The following ZSCAN5A variants were observed in gnomAD, a reference collection of about 807,000 sequenced individuals.
The protein encoded by ZSCAN5A is zinc finger and SCAN domain containing 5A.
A neutral mutation model predicts 23.7 loss-of-function variants in ZSCAN5A; 12 were observed. The ratio of observed to expected loss-of-function variants is 0.51; its 90% confidence interval spans 0.32 to 0.82. ZSCAN5A has a LOEUF of 0.82. Ranked by LOEUF, ZSCAN5A falls within the 40% of genes least tolerant of loss-of-function variation. The pLI is 0.03. For missense variants in ZSCAN5A, 597 were observed against 617.9 expected (o/e 0.97, Z 0.36); for synonymous variants, 257 against 239.9 (o/e 1.07, Z -0.66).
At position 56,248,820 on chromosome 19, in the gene ZSCAN5A, G is replaced by T. The variant is rs2036140471; in HGVS notation, c.-127-23647C>A. Among the ~76,000 whole-genome samples the T allele has an allele frequency of 2.0e-5, 3 of 152,116 alleles. 1 individual carries two copies. The highest frequency in any genetic ancestry group is 2.0e-4 in the Admixed American group (3 of 15,276). ...CTAGACTCCCTCCCCACACGGCACAGCCTCTCCCCGCCCAGCATCCCCAGC... is the reference window on the plus strand; with the variant it reads ...CTAGACTCCCTCCCCACACGGCACATCCTCTCCCCGCCCAGCATCCCCAGC... On this transcript the variant is annotated intron_variant, in intron 2 of 5. Coordinates refer to ENST00000683990, the MANE Select transcript of ZSCAN5A (RefSeq NM_001322064.3).
At chr19:56,337,212 G>C (rs879746211) in intron 2 of ZSCAN5A, among the ~76,000 whole-genome samples, 1 of 152,208 alleles carries the variant, frequency 6.6e-6, no homozygotes, top group Non-Finnish European at 1.5e-5. Flanking sequence ...AGGCCTCCTC[G>C]AGCTGTGGTG....
intron 1 of ZSCAN5A, among the ~76,000 whole-genome samples, chr19:56,366,677 A>G (rs2041768670): frequency 6.6e-6 from 1 of 152,216 alleles, no homozygotes; most frequent in Admixed American, 6.5e-5. Flanking sequence ...TTCTGAGTTC[A>G]GCCTGTAAAA....
chr19:56,354,420 G>A (rs2147463089), intron 2 of ZSCAN5A: 1 of 152,318 alleles, frequency 6.6e-6, no homozygotes. Context: ...TCAGTTGAAT[G>A]CACTTAAGAC....
At chr19:56,317,453 C>T (rs2041328708), upstream of ZSCAN5A, 2 of 152,254 alleles carry the variant, frequency 1.3e-5, no homozygotes, top group Admixed American at 6.5e-5. Flanking sequence ...AAGGCAGTGA[C>T]GGAGCCCTCA....
intron 2 of ZSCAN5A, among the ~76,000 whole-genome samples, chr19:56,243,228 A>AGG (rs1568635141): frequency 4.0e-5 from 6 of 148,424 alleles, no homozygotes; most frequent in Admixed American, 6.8e-5. Context: ...GGGTGGGCAG[A>AGG]GGGTGATCAT....
chr19:56,344,345 G>A (rs1477859890), intron 2 of ZSCAN5A, among the ~76,000 whole-genome samples: 1 of 152,184 alleles, frequency 6.6e-6, no homozygotes, highest in African/African-American at 2.4e-5. Flanking sequence ...CAATATCAAT[G>A]TCTTATTTAT....
chr19:56,279,558 G>GTT (rs1277668438), intron 2 of ZSCAN5A, among the ~76,000 whole-genome samples: 3 of 152,158 alleles, frequency 2.0e-5, no homozygotes, highest in African/African-American at 7.2e-5. Flanking sequence ...TTTCAAAATC[G>GTT]TAAGTGTCCC....
At chr19:56,340,314 A>T (rs1012163146) in intron 2 of ZSCAN5A, among the ~76,000 whole-genome samples, 1 of 152,186 alleles carries the variant, frequency 6.6e-6, no homozygotes, top group Non-Finnish European at 1.5e-5. Context: ...GCCTGCATTC[A>T]AAGTAGCAGT....
chr19:56,240,115 T>C (rs747617769), intron 2 of ZSCAN5A, among the ~76,000 whole-genome samples: 5 of 151,274 alleles, frequency 3.3e-5, no homozygotes, highest in Non-Finnish European at 7.4e-5. Flanking sequence ...TGAGCCGAGA[T>C]CACGCCACTG....
At chr19:56,241,947 G>A (rs2116937) in intron 2 of ZSCAN5A, among the ~76,000 whole-genome samples, 17,468 of 152,200 alleles carry the variant, frequency 0.11, 1,197 homozygotes, top group South Asian at 0.27. Flanking sequence ...CACCCAGGAT[G>A]TGAGGAGCAC....
At chr19:56,241,523 G>A (rs2163854) in intron 2 of ZSCAN5A, among the ~76,000 whole-genome samples, 80,901 of 152,126 alleles carry the variant, frequency 0.53, 21,703 homozygotes, top group Middle Eastern at 0.66. Flanking sequence ...GGATGTGAAC[G>A]CTGTAAAATG....
intron 2 of ZSCAN5A, chr19:56,244,187 A>G (rs754318817): frequency 6.2e-7 from 1 of 1,612,066 alleles, no homozygotes; most frequent in Non-Finnish European, 8.5e-7. Flanking sequence ...GAACTTCAGG[A>G]TGTTCAGCTG....
chr19:56,222,206 T>G lies in ZSCAN5A; in HGVS notation c.860A>C (p.Asn287Thr), dbSNP rs142298937. The change falls in exon 6 of 6, where the codon AAC becomes ACC. Residue 287 changes from asparagine to threonine, a missense_variant. This residue lies in a region of ZSCAN5A where 406 missense variants were observed against 353.2 expected (regional missense o/e 1.15). Coordinates refer to ENST00000683990, the MANE Select transcript of ZSCAN5A (RefSeq NM_001322064.3). ...GCTCAGATTCAGAGCGTCTCCTCTG[T>G]TCCCGCTGTGAGTCGAAGCTTCTCT... ...VEREASTHSGNRGDALNLSSP... is the reference protein window; with the variant it reads ...VEREASTHSGTRGDALNLSSP... 3.1e-6 allele frequency: 5 copies of G among 1,613,996 alleles called. No individual in the cohort carries two copies. The highest frequency in any genetic ancestry group is 4.2e-6 in the Non-Finnish European group (5 of 1,179,926).
chr19:56,259,212 A>AT (rs960000318), intron 2 of ZSCAN5A, among the ~76,000 whole-genome samples: 16 of 150,678 alleles, frequency 1.1e-4, no homozygotes, highest in South Asian at 4.2e-4. Context: ...TATTTTATTA[A>AT]TTTTTTTTTT....
At chr19:56,293,651 G>A (rs1305226270) in intron 2 of ZSCAN5A, among the ~76,000 whole-genome samples, 3 of 152,200 alleles carry the variant, frequency 2.0e-5, no homozygotes, top group Non-Finnish European at 2.9e-5. Context: ...ATATGGTTGT[G>A]AGGAGTAAAC....
chr19:56,315,856 A>G (rs1434119235), upstream of ZSCAN5A: 2 of 152,222 alleles, frequency 1.3e-5, no homozygotes, highest in African/African-American at 4.8e-5. Flanking sequence ...CCTCAGAGCA[A>G]TGGCCAGCAC....
chr19:56,278,323 A>G (rs1213044099), intron 2 of ZSCAN5A, among the ~76,000 whole-genome samples: 1 of 152,160 alleles, frequency 6.6e-6, no homozygotes, highest in Non-Finnish European at 1.5e-5. Flanking sequence ...TAGGAGAGAC[A>G]AGGTTTCACC....
rs781730753 is a variant in ZSCAN5A, at chr19:56,245,388, A to T, written c.-127-20215T>A. 1.7e-5 allele frequency: 13 copies of T among 748,308 alleles called. No individual in the cohort carries two copies. The African/African-American group carries it at 2.2e-4, about 13-fold the overall frequency. The allele number at this position is 748,308 out of a possible 1,614,324, so 46.4% of individuals were successfully genotyped here. A position where few individuals can be genotyped will look rare whatever the true frequency, so the allele number is the denominator to read the frequency against. Reference sequence around the variant, plus strand: ...GAAGGCCAGGCCAGCCAAGAGCTGCAGACCCTGCCCAGGGTCCCTGCACTG... The same window carrying T: ...GAAGGCCAGGCCAGCCAAGAGCTGCTGACCCTGCCCAGGGTCCCTGCACTG... On this transcript the variant is annotated intron_variant, in intron 2 of 5. Coordinates refer to ENST00000683990, the MANE Select transcript of ZSCAN5A (RefSeq NM_001322064.3).
chr19:56,295,013 C>T (rs1007915538), intron 2 of ZSCAN5A: 4 of 152,212 alleles, frequency 2.6e-5, no homozygotes, highest in Admixed American at 6.5e-5. Context: ...AGTGACTGCT[C>T]AGGGGCACCA....
Sources: allele counts gnomAD v4.1 joint callset (sites outside exome capture counted in the v4.1 genomes callset), GRCh38; gene constraint gnomAD v4.1.1; regional missense constraint gnomAD v4.1.1; transcripts MANE v1.5; gene names NCBI Gene and HGNC (gene_info 2026-07-23, HGNC 2026-07-21).